Variants in ATP10D observed in about 807,000 individuals in gnomAD.
ATP10D encodes the protein phospholipid-transporting ATPase VD.
Under a neutral mutation model 144.8 loss-of-function variants are expected in ATP10D, and 89 were observed. The ratio of observed to expected loss-of-function variants is 0.61; its 90% confidence interval spans 0.52 to 0.73. The LOEUF is 0.73. Ranked by LOEUF, ATP10D falls within the 30% of genes least tolerant of loss-of-function variation. The pLI is 0.00. For missense variants in ATP10D, 1,603 were observed against 1,714.8 expected (o/e 0.93, Z 1.15); for synonymous variants, 571 against 615.1 (o/e 0.93, Z 1.06).
At position 47,591,760 on chromosome 4, in the gene ATP10D, G is replaced by A. The variant is rs4145947; in HGVS notation, c.*379G>A. 83,592 of 156,354 alleles carry A rather than the reference G, an allele frequency of 0.53. 23,533 individuals carry two copies. Among genetic ancestry groups the A allele is most frequent in the African/African-American group, 0.71 (29,376 of 41,592 alleles). 9.7% of individuals were successfully genotyped at this position (156,354 alleles called of 1,614,324 possible). ...AAATGCTTTAAATGGTCAGGCTCCAGTCGGAATTTTTTTAAGAAAAAAGTA... is the reference window on the plus strand; with the variant it reads ...AAATGCTTTAAATGGTCAGGCTCCAATCGGAATTTTTTTAAGAAAAAAGTA... On this transcript the variant is annotated 3_prime_UTR_variant, in exon 23 of 23. Coordinates refer to ENST00000273859, the MANE Select transcript of ATP10D (RefSeq NM_020453.4).
intron 21 of ATP10D, among the ~76,000 whole-genome samples, chr4:47,582,677 G>A (rs887218038): frequency 2.6e-5 from 4 of 152,026 alleles, no homozygotes; most frequent in African/African-American, 4.8e-5. Context: ...ATCTTTTAAC[G>A]GAGGTAATTT....
In ATP10D at chr4:47,572,993, A is replaced by C. The variant is rs371072531; in HGVS notation, c.3362A>C (p.Asn1121Thr). 1.2e-6 allele frequency: 2 copies of C among 1,614,068 alleles called. No individual in the cohort carries two copies. Among genetic ancestry groups the C allele is most frequent in the East Asian group, 4.5e-5 (2 of 44,886 alleles). The change falls in exon 18 of 23, where the codon AAT (asparagine) becomes ACT (threonine). Residue 1121 changes from asparagine (N) to threonine (T), a missense_variant. Transcript: ENST00000273859. ...ATGATTCTCTATTTTTTCTATAAGAATGTGGTATGTAACCCCAGAGAATTT... is the reference window on the plus strand; with the variant it reads ...ATGATTCTCTATTTTTTCTATAAGACTGTGGTATGTAACCCCAGAGAATTT... ...SNMILYFFYK[N>T]VAYVNLLFWY... is the part of the protein sequence containing the mutation.
chr4:47,500,330 CAT>C (rs1384338288), intron 1 of ATP10D, among the ~76,000 whole-genome samples: 1 of 152,208 alleles, frequency 6.6e-6, no homozygotes, highest in African/African-American at 2.4e-5. Context: ...AGAGGCAGAT[CAT>C]ATGGAGCACT....
Position 47,515,497 on chromosome 4 carries a change from G to T in ATP10D, c.312G>T (p.Leu104=). Residue 104 remains leucine (L), a synonymous_variant, in exon 3 of 23, where the codon CTG becomes CTT. Coordinates refer to ENST00000273859, the MANE Select transcript of ATP10D (RefSeq NM_020453.4). ...QFHRAANLYF[L]FLVVLNWVPL... is the part of the protein sequence containing the mutation. Reference sequence around the variant, plus strand: ...GCAGAGCTGCCAATTTATATTTCCTGTTCCTAGTTGTCCTGAACTGGGTAC... The same window carrying T: ...GCAGAGCTGCCAATTTATATTTCCTTTTCCTAGTTGTCCTGAACTGGGTAC... 1.9e-6 allele frequency: 3 copies of T among 1,612,308 alleles called. No individual in the cohort carries two copies. Among genetic ancestry groups the T allele is most frequent in the Non-Finnish European group, 2.5e-6 (3 of 1,179,156 alleles).
chr4:47,580,628 T>A, intron 20 of ATP10D, 150 bp downstream of exon 20: 1 of 711,630 alleles, frequency 1.4e-6, no homozygotes, highest in Non-Finnish European at 2.4e-6. Flanking sequence ...CCCAAAAATA[T>A]ATGTTAGGTA....
At chr4:47,531,510 G>C (rs1717569134) in intron 5 of ATP10D, among the ~76,000 whole-genome samples, 1 of 152,206 alleles carries the variant, frequency 6.6e-6, no homozygotes. Context: ...GAAGAGGCCA[G>C]AGCCTGAAGG....
intron 18 of ATP10D, among the ~76,000 whole-genome samples, chr4:47,575,155 C>G (rs1720163292): frequency 6.6e-6 from 1 of 152,008 alleles, no homozygotes. Flanking sequence ...GATACTAAGC[C>G]CTAAGGTAGT....
intron 10 of ATP10D, 70 bp downstream of exon 10, chr4:47,546,932 T>C (rs1718469716): frequency 1.4e-6 from 2 of 1,437,616 alleles, no homozygotes; most frequent in Non-Finnish European, 1.9e-6. Flanking sequence ...CTTGTAATTA[T>C]GATAGAGTCA....
intron 3 of ATP10D, 69 bp from the exon 4 acceptor site, chr4:47,522,943 T>TAA: frequency 7.8e-7 from 1 of 1,288,434 alleles, no homozygotes; most frequent in Non-Finnish European, 1.1e-6. Context: ...AAAAAATTTT[T>TAA]TAAAAAAAAC....
chr4:47,511,359 G>C (rs959363685), intron 1 of ATP10D, among the ~76,000 whole-genome samples: 1 of 151,828 alleles, frequency 6.6e-6, no homozygotes, highest in Non-Finnish European at 1.5e-5. Context: ...ATGATAAGAC[G>C]GGCTATCTAT....
intron 15 of ATP10D, among the ~76,000 whole-genome samples, chr4:47,564,967 ATTTGTTTG>A (rs999420209): frequency 6.6e-6 from 1 of 151,616 alleles, no homozygotes; most frequent in Non-Finnish European, 1.5e-5. Flanking sequence ...TCGTTTGTTT[ATTTGTTTG>A]TTTGTTTGTT....
At position 47,558,103 on chromosome 4, in the gene ATP10D, A is replaced by T; in HGVS notation, c.2264A>T (p.Asp755Val). 1 of 1,614,136 alleles carries T rather than the reference A, an allele frequency of 6.2e-7. No individual in the cohort carries two copies. The highest frequency in any genetic ancestry group is 8.5e-7 in the Non-Finnish European group (1 of 1,180,012). The change falls in exon 12 of 23, where the codon GAC becomes GTC. Residue 755 changes from aspartate to valine, a missense_variant. By Grantham distance (152) the Asp-to-Val change is radical. Coordinates refer to ENST00000273859, the MANE Select transcript of ATP10D (RefSeq NM_020453.4). ...RSRTPEQVMV[D>V]FAALGPLTFQ... is the part of the protein sequence containing the mutation. ...CGGACACCAGAGCAGGTCATGGTGG[A>T]CTTTGCTGCTTTGGGACCATTAACA... is the stretch of plus-strand genomic sequence containing the variant.
chr4:47,589,453 A>G (rs937308251), intron 22 of ATP10D, among the ~76,000 whole-genome samples: 1 of 152,152 alleles, frequency 6.6e-6, no homozygotes, highest in Non-Finnish European at 1.5e-5. Flanking sequence ...TTTGGCACAT[A>G]ATAGAAAAAT....
At position 47,557,813 on chromosome 4, in the gene ATP10D, C is replaced by A; in HGVS notation, c.1974C>A (p.Ser658Arg). The change falls in exon 12 of 23, where the codon AGC becomes AGA. Residue 658 changes from serine to arginine, a missense_variant. Transcript: ENST00000273859. ...CTGGAGTTCCAAACGCCTTTGTGAG[C>A]AGACTCCCTCTCTTTAGTCGAATGA... ...PSSGVPNAFVSRLPLFSRMKP... is the reference protein window; with the variant it reads ...PSSGVPNAFVRRLPLFSRMKP... 1 of 1,614,210 alleles carries A rather than the reference C, an allele frequency of 6.2e-7. No individual in the cohort carries two copies. The highest frequency in any genetic ancestry group is 1.1e-5 in the South Asian group (1 of 91,080).
At chr4:47,537,646 T>C (rs952462184) in intron 9 of ATP10D, among the ~76,000 whole-genome samples, 2 of 152,178 alleles carry the variant, frequency 1.3e-5, no homozygotes, top group African/African-American at 4.8e-5. Flanking sequence ...TTAGAACATG[T>C]AATAGTACTA....
At chr4:47,557,566 GTA>G in intron 11 of ATP10D, 96 bp from the exon 12 acceptor site, 1 of 1,264,728 alleles carries the variant, frequency 7.9e-7, no homozygotes, top group Non-Finnish European at 1.1e-6. Context: ...TAAGTGAGTG[GTA>G]ACTCTTTTTA....
rs565664547 is a variant in ATP10D, at chr4:47,531,498, A to G, written c.777-4011A>G. On this transcript the variant is annotated intron_variant, in intron 5 of 22. Coordinates refer to ENST00000273859, the MANE Select transcript of ATP10D (RefSeq NM_020453.4). ...ATGTAGGTGAGCAATAAGGCAGATC[A>G]TGAAGAGGCCAGAGCCTGAAGGGCC... Among the ~76,000 whole-genome samples the G allele has an allele frequency of 5.3e-5, 8 of 152,352 alleles. No homozygotes were observed. The South Asian group carries it at 1.7e-3, about 32-fold the overall frequency.
At chr4:47,578,344 G>A (rs1720341952) in intron 19 of ATP10D, 2 of 152,302 alleles carry the variant, frequency 1.3e-5, no homozygotes, top group South Asian at 2.1e-4. Context: ...GAAGTCTGCA[G>A]TCAGAAGCTT....
At chr4:47,557,028 AT>A (rs1465102671) in intron 11 of ATP10D, 1 of 152,136 alleles carries the variant, frequency 6.6e-6, no homozygotes, top group Non-Finnish European at 1.5e-5. Context: ...AGAAAAATAC[AT>A]TTTGTTAATC....
Sources: gnomAD v4.1 joint callset for allele counts (sites outside exome capture counted in the v4.1 genomes callset) on GRCh38, gnomAD v4.1.1 for gene constraint, MANE v1.5 for transcripts, NCBI Gene and HGNC (gene_info 2026-07-23, HGNC 2026-07-21) for gene names.